Variants in DBT observed in about 807,000 individuals in gnomAD.
The protein encoded by DBT is dihydrolipoamide branched chain transacylase E2.
DBT carries 40 observed loss-of-function variants against 51.3 expected under a neutral mutation model. The observed-to-expected ratio is 0.78, with a 90% CI of 0.61 to 1.02. The LOEUF is 1.02. DBT is among the 50% of genes least tolerant of loss of function. The pLI is 0.00. For missense variants in DBT, 510 were observed against 580.2 expected, an observed-to-expected ratio of 0.88 and a Z score of 1.24; for synonymous variants, 181 against 190.4, an observed-to-expected ratio of 0.95 and a Z score of 0.41.
chr1:100,196,127 C>G lies in DBT; in HGVS notation c.*128G>C. ...TAATAGAACAGTGACAAATATTGTG[C>G]CTTAGATCCTTAATCATACGATACA... On this transcript the variant is annotated 3_prime_UTR_variant, in exon 11 of 11. Coordinates refer to ENST00000370132, the MANE Select transcript of DBT (RefSeq NM_001918.5). 1.2e-6 allele frequency: 1 copy of G among 841,940 alleles called. No homozygotes were observed. Among genetic ancestry groups the G allele is most frequent in the Non-Finnish European group, 2.0e-6 (1 of 506,460 alleles). The allele number at this position is 841,940 out of a possible 1,614,324, so 52.2% of individuals were successfully genotyped here.
chr1:100,246,235 T>C (rs577028099), intron 1 of DBT, among the ~76,000 whole-genome samples: 1 of 152,172 alleles, frequency 6.6e-6, no homozygotes. Context: ...TCCAGCCTGG[T>C]GACAGAGTGA....
chr1:100,242,687 C>T (rs1268100309), intron 1 of DBT, among the ~76,000 whole-genome samples: 1 of 152,132 alleles, frequency 6.6e-6, no homozygotes, highest in African/African-American at 2.4e-5. Flanking sequence ...TCCTTCAGCT[C>T]CCATAATCCT....
At chr1:100,249,444 A>T (rs984998545) in intron 1 of DBT, 2 of 473,264 alleles carry the variant, frequency 4.2e-6, no homozygotes, top group Non-Finnish European at 7.8e-6. Flanking sequence ...TGCTAAACGA[A>T]TATATCTCTG....
chr1:100,202,725 C>G (rs1357875730), intron 10 of DBT, among the ~76,000 whole-genome samples: 1 of 152,150 alleles, frequency 6.6e-6, no homozygotes, highest in South Asian at 2.1e-4. Context: ...CAATAACAAG[C>G]AGTCTCTCAG....
intron 4 of DBT, among the ~76,000 whole-genome samples, chr1:100,219,980 A>G (rs926302825): frequency 2.6e-5 from 4 of 151,978 alleles, no homozygotes; most frequent in Non-Finnish European, 5.9e-5. Flanking sequence ...CCCTCTCTCT[A>G]TAAAAAATTT....
chr1:100,203,361 A>G (rs1317320544), intron 10 of DBT, among the ~76,000 whole-genome samples: 2 of 152,256 alleles, frequency 1.3e-5, no homozygotes, highest in African/African-American at 4.8e-5. Flanking sequence ...AGAAATGGAT[A>G]AATTGCTGGA....
chr1:100,249,054 T>C (rs1664749976), intron 1 of DBT: 5 of 980,176 alleles, frequency 5.1e-6, no homozygotes, highest in African/African-American at 1.8e-5. Context: ...TTGAAAGTTT[T>C]TGTAAGATCG....
At chr1:100,202,988 G>T (rs554682980) in intron 10 of DBT, among the ~76,000 whole-genome samples, 64 of 152,062 alleles carry the variant, frequency 4.2e-4, no homozygotes, top group Non-Finnish European at 2.4e-4. Context: ...GCCAACAGAA[G>T]AAAGCAGGAA....
chr1:100,249,826 C>A lies in DBT; in HGVS notation c.-6G>T, dbSNP rs757532741. The A allele has an allele frequency of 1.2e-6, 2 of 1,614,068 alleles. No homozygotes were observed. The highest frequency in any genetic ancestry group is 3.3e-5 in the Admixed American group (2 of 60,008). On this transcript the variant is annotated 5_prime_UTR_variant, in exon 1 of 11. Coordinates refer to ENST00000370132, the MANE Select transcript of DBT (RefSeq NM_001918.5). ...AGCATACGGACTGCAGCCATCTTACCCCGGAAATGACAACAGTGCCGCAAA... is the reference window on the plus strand; with the variant it reads ...AGCATACGGACTGCAGCCATCTTACACCGGAAATGACAACAGTGCCGCAAA...
chr1:100,223,967 C>T (rs532076356), intron 4 of DBT, among the ~76,000 whole-genome samples: 4 of 152,154 alleles, frequency 2.6e-5, no homozygotes, highest in African/African-American at 9.6e-5. Context: ...AGGTCTGTTA[C>T]AGTCAAAGGA....
chr1:100,208,734 C>CA (rs76108047), intron 8 of DBT, among the ~76,000 whole-genome samples: 2,549 of 106,814 alleles, frequency 0.024, 55 homozygotes, highest in African/African-American at 0.071. Context: ...CCCATTTCTA[C>CA]AAAAAAAAAA....
chr1:100,210,669 A>G (rs768728922), intron 8 of DBT, 25 bp downstream of exon 8: 11 of 1,612,932 alleles, frequency 6.8e-6, no homozygotes, highest in Admixed American at 1.7e-5. Context: ...TAATAATAAG[A>G]ACATTTTTAC....
At chr1:100,245,807 T>C (rs4243807) in intron 1 of DBT, among the ~76,000 whole-genome samples, 149,473 of 152,150 alleles carry the variant, frequency 0.98, 73,484 homozygotes, top group Middle Eastern at 1. Flanking sequence ...AAATAATTAG[T>C]TGGCTGTGGT....
chr1:100,194,592 C>A lies in DBT; in HGVS notation c.*1663G>T, dbSNP rs1211161783. 1.3e-5 allele frequency: 2 copies of A among 151,816 alleles called. No individual in the cohort carries two copies. Among genetic ancestry groups the A allele is most frequent in the African/African-American group, 4.8e-5 (2 of 41,242 alleles). The allele number at this position is 151,816 out of a possible 1,614,324, so 9.4% of individuals were successfully genotyped here. A position where few individuals can be genotyped will look rare whatever the true frequency, so the allele number is the denominator to read the frequency against. On this transcript the variant is annotated 3_prime_UTR_variant, in exon 11 of 11. Coordinates refer to ENST00000370132, the MANE Select transcript of DBT (RefSeq NM_001918.5). ...AACTCCTGACCTCAGGTGATCTGGC[C>A]ACCTCGGCCTCCCAAAGTGCTGGGA...
At chr1:100,218,605 T>A in intron 5 of DBT, 21 bp downstream of exon 5, 1 of 1,613,526 alleles carries the variant, frequency 6.2e-7, no homozygotes, top group South Asian at 1.1e-5. Context: ...AATCTCAGAC[T>A]TAAATATTAA....
intron 4 of DBT, 48 bp from the exon 5 acceptor site, chr1:100,218,795 T>C: frequency 6.3e-7 from 1 of 1,574,864 alleles, no homozygotes; most frequent in Non-Finnish European, 8.7e-7. Context: ...AATTTTTTTT[T>C]TTTACTAAGA....
intron 3 of DBT, among the ~76,000 whole-genome samples, chr1:100,233,646 T>C (rs1219283723): frequency 6.6e-6 from 1 of 152,164 alleles, no homozygotes; most frequent in Non-Finnish European, 1.5e-5. Context: ...AAAAGTACAC[T>C]CACCAGCAGT....
chr1:100,244,084 AGG>A (rs1664394423), intron 1 of DBT, among the ~76,000 whole-genome samples: 1 of 127,964 alleles, frequency 7.8e-6, no homozygotes, highest in Non-Finnish European at 1.7e-5. Flanking sequence ...AAAAAAAAAA[AGG>A]AGTTTAAGTA....
At chr1:100,238,809 T>C (rs1335781670) in intron 2 of DBT, among the ~76,000 whole-genome samples, 1 of 152,032 alleles carries the variant, frequency 6.6e-6, no homozygotes, top group Non-Finnish European at 1.5e-5. Flanking sequence ...ATGGAGTTGG[T>C]GAGAGATGTG....
Sources: gnomAD v4.1 joint callset for allele counts (sites outside exome capture counted in the v4.1 genomes callset) on GRCh38, gnomAD v4.1.1 for gene constraint, MANE v1.5 for transcripts, NCBI Gene and HGNC (gene_info 2026-07-23, HGNC 2026-07-21) for gene names.